Variants in ADGRG6 observed in about 807,000 individuals in gnomAD.
ADGRG6 encodes adhesion G protein-coupled receptor G6.
ADGRG6 carries 84 observed loss-of-function variants against 142.4 expected under a neutral mutation model. That is an observed-to-expected ratio of 0.59 (90% CI 0.49 to 0.71). The LOEUF (loss-of-function observed/expected upper bound fraction) is 0.71, where lower values mean the gene tolerates loss of function less well. Ranked by LOEUF, ADGRG6 falls within the 30% of genes least tolerant of loss-of-function variation. The pLI, the probability that ADGRG6 is intolerant of heterozygous loss-of-function variation, is 0.00. For missense variants in ADGRG6, 1,367 were observed against 1,466.6 expected, an observed-to-expected ratio of 0.93 and a Z score of 1.11; for synonymous variants, 521 against 520.5, an observed-to-expected ratio of 1.00 and a Z score of -0.01.
rs11414768 is a variant in ADGRG6, at chr6:142,407,170, TAAAAAAA to T, written c.2269-966_2269-960del. On this transcript the variant is annotated intron_variant, in intron 15 of 24. Coordinates refer to ENST00000367609, the MANE Select transcript of ADGRG6 (RefSeq NM_198569.3). ...GCCAACATAGTGAGACCCGTCTCTT[TAAAAAAA>T]AAAAAAAAAAAAAGGAAGCATATGT... Among the ~76,000 whole-genome samples the T allele has an allele frequency of 3.3e-5, 4 of 121,008 alleles. No homozygotes were observed. The South Asian group carries it at 8.1e-4, about 24-fold the overall frequency. The allele number at this position is 121,008 out of a possible 152,430, so 79.4% of individuals were successfully genotyped here.
chr6:142,435,507 C>T (rs2115183371), intron 22 of ADGRG6, among the ~76,000 whole-genome samples: 1 of 151,632 alleles, frequency 6.6e-6, no homozygotes, highest in African/African-American at 2.4e-5. Context: ...CTATTTTTAA[C>T]CTCCACGTCT....
At chr6:142,308,843 A>C (rs965020417) in intron 1 of ADGRG6, among the ~76,000 whole-genome samples, 1 of 151,752 alleles carries the variant, frequency 6.6e-6, no homozygotes, top group African/African-American at 2.4e-5. Flanking sequence ...TTTCTAAATC[A>C]TTATTAAATA....
chr6:142,362,410 C>A (rs1003583176), intron 2 of ADGRG6, among the ~76,000 whole-genome samples: 2 of 152,154 alleles, frequency 1.3e-5, no homozygotes, highest in East Asian at 3.8e-4. Context: ...TGTGAATGAA[C>A]TGGTATTCTG....
Position 142,419,839 on chromosome 6 carries a change from A to G in ADGRG6, c.3054A>G (p.Pro1018=). Residue 1018 remains proline, a synonymous_variant, in exon 22 of 25, where the codon CCA becomes CCG. Coordinates refer to ENST00000367609, the MANE Select transcript of ADGRG6 (RefSeq NM_198569.3). ...TTTTAAGCTGTTGGATTCAAGATCC[A>G]GTCATATTTTATGTGACCTGTGCTG... The part of the protein sequence containing the change: ...KGDEFCWIQD[P]VIFYVTCAGY... 6.2e-7 allele frequency: 1 copy of G among 1,606,838 alleles called. No homozygotes were observed.
Position 142,370,397 on chromosome 6 carries a change from T to C in ADGRG6, c.673T>C (p.Ser225Pro). 1.9e-6 allele frequency: 3 copies of C among 1,613,614 alleles called. No homozygotes were observed. Among genetic ancestry groups the C allele is most frequent in the Non-Finnish European group, 2.5e-6 (3 of 1,179,610 alleles). The change falls in exon 4 of 25, where the codon TCC (serine) becomes CCC (proline). Residue 225 changes from serine (S) to proline (P), a missense_variant. By Grantham distance (74) the Ser-to-Pro change is moderately conservative. This residue lies in a region of ADGRG6 where 737 missense variants were observed against 746.5 expected (regional missense o/e 0.99). Coordinates refer to ENST00000367609, the MANE Select transcript of ADGRG6 (RefSeq NM_198569.3). ...FGKAKSGYFL[S>P]ISDSKCLLNN... ...AAAGGCCAAGAGTGGCTACTTTCTA[T>C]CCATTTCTGATTCAAAATGTTTGTT... is the stretch of plus-strand genomic sequence containing the variant.
chr6:142,442,165 G>C (rs1261941861), intron 24 of ADGRG6, among the ~76,000 whole-genome samples: 1 of 152,178 alleles, frequency 6.6e-6, no homozygotes, highest in African/African-American at 2.4e-5. Context: ...GCATTGGAGT[G>C]AAGATTCCAA....
chr6:142,303,366 A>G (rs772266170), intron 1 of ADGRG6, among the ~76,000 whole-genome samples: 1 of 152,110 alleles, frequency 6.6e-6, no homozygotes, highest in Non-Finnish European at 1.5e-5. Context: ...TGCACTTTCC[A>G]TTCCCTACTT....
At chr6:142,403,039 T>G (rs548084647) in intron 13 of ADGRG6, among the ~76,000 whole-genome samples, 1 of 152,050 alleles carries the variant, frequency 6.6e-6, no homozygotes, top group South Asian at 2.1e-4. Flanking sequence ...ATTTACAATA[T>G]ACATAGCCCT....
At chr6:142,321,051 G>A (rs1213406277) in intron 2 of ADGRG6, among the ~76,000 whole-genome samples, 1 of 151,126 alleles carries the variant, frequency 6.6e-6, no homozygotes, top group Non-Finnish European at 1.5e-5. Flanking sequence ...GATAATTATG[G>A]AATATTTACA....
At chr6:142,324,670 A>C (rs1172756779) in intron 2 of ADGRG6, among the ~76,000 whole-genome samples, 1 of 152,090 alleles carries the variant, frequency 6.6e-6, no homozygotes, top group East Asian at 1.9e-4. Flanking sequence ...TAATGGTGGA[A>C]ATGGAGCAGC....
intron 2 of ADGRG6, among the ~76,000 whole-genome samples, chr6:142,310,443 A>G (rs1400952277): frequency 2.0e-5 from 3 of 151,410 alleles, no homozygotes; most frequent in Non-Finnish European, 4.4e-5. Flanking sequence ...TAAAGCTAAA[A>G]TGTCAATTAA....
intron 2 of ADGRG6, among the ~76,000 whole-genome samples, chr6:142,359,059 T>A (rs528213329): frequency 3.4e-5 from 5 of 147,800 alleles, no homozygotes; most frequent in South Asian, 2.2e-4. Context: ...AAAAAAAAAA[T>A]ATCTGGGCAT....
At chr6:142,426,856 AC>A (rs1776971342) in intron 22 of ADGRG6, among the ~76,000 whole-genome samples, 1 of 152,088 alleles carries the variant, frequency 6.6e-6, no homozygotes, top group Non-Finnish European at 1.5e-5. Context: ...TTGGGCTTCC[AC>A]CCTCTGAAGC....
intron 2 of ADGRG6, among the ~76,000 whole-genome samples, chr6:142,363,641 G>A (rs1780818728): frequency 1.3e-5 from 2 of 152,136 alleles, no homozygotes; most frequent in African/African-American, 4.8e-5. Flanking sequence ...GCTTTGAGTT[G>A]AGTAGCTTTT....
At position 142,404,044 on chromosome 6, in the gene ADGRG6, A is replaced by G. The variant is rs1028851095; in HGVS notation, c.2127+71A>G. The G allele has an allele frequency of 4.3e-6, 5 of 1,152,188 alleles. No homozygotes were observed. In the African/African-American group the frequency reaches 7.7e-5, roughly 18 times the overall value. 71.4% of individuals were successfully genotyped at this position (1,152,188 alleles called of 1,614,324 possible). On this transcript the variant is annotated intron_variant, in intron 14 of 24. Coordinates refer to ENST00000367609, the MANE Select transcript of ADGRG6 (RefSeq NM_198569.3). ...TATAAAAACTTGCTGATCACTTAGC[A>G]GTTGCTGCTTCCAAGAGGTCTTGGT...
In ADGRG6 at chr6:142,373,881, CTTTTTTTTTTT is replaced by C. The variant is rs769498618; in HGVS notation, c.1069+3102_1069+3112del. On this transcript the variant is annotated intron_variant, in intron 4 of 24. Coordinates refer to ENST00000367609, the MANE Select transcript of ADGRG6 (RefSeq NM_198569.3). ...TAATACTTGTTTTTCTTTTTCTTTT[CTTTTTTTTTTT>C]TTTTTTTTTTTTTAAGTTGGGGTCT... 1.5e-4 allele frequency among the ~76,000 whole-genome samples: 14 copies of C among 93,848 alleles called. No homozygotes were observed. In the East Asian group the frequency reaches 2.9e-3, roughly 20 times the overall value. The allele number at this position is 93,848 out of a possible 152,430, so 61.6% of individuals were successfully genotyped here. A position where few individuals can be genotyped will look rare whatever the true frequency, so the allele number is the denominator to read the frequency against.
intron 6 of ADGRG6, among the ~76,000 whole-genome samples, chr6:142,385,026 A>T (rs542668775): frequency 6.6e-6 from 1 of 152,128 alleles, no homozygotes; most frequent in East Asian, 1.9e-4. Context: ...TAGCCAGTAG[A>T]TGGGAATATT....
At chr6:142,411,434 C>T in intron 18 of ADGRG6, 23 bp downstream of exon 18, 1 of 1,141,972 alleles carries the variant, frequency 8.8e-7, no homozygotes, top group Non-Finnish European at 1.3e-6. Context: ...TTTCTAAGCT[C>T]ATTTTGACAT....
intron 2 of ADGRG6, among the ~76,000 whole-genome samples, chr6:142,312,515 CA>C (rs1458282433): frequency 2.6e-5 from 4 of 151,910 alleles, no homozygotes; most frequent in Admixed American, 6.6e-5. Flanking sequence ...TGCCTTAAAA[CA>C]ATAAAAATGC....
Sources: gnomAD v4.1 joint callset for allele counts (sites outside exome capture counted in the v4.1 genomes callset) on GRCh38, gnomAD v4.1.1 for gene constraint, gnomAD v4.1.1 regional missense constraint, MANE v1.5 for transcripts, NCBI Gene and HGNC (gene_info 2026-07-23, HGNC 2026-07-21) for gene names.